SHC4: variants seen among roughly 807,000 people sequenced by gnomAD.
SHC4 encodes SHC-transforming protein 4.
SHC4 carries 41 observed loss-of-function variants against 69.4 expected under a neutral mutation model. That is an observed-to-expected ratio of 0.59 (90% CI 0.46 to 0.77). The LOEUF is 0.77. SHC4 is among the 30% of genes least tolerant of loss of function. SHC4 has a pLI of 0.00. For missense variants in SHC4, 777 were observed against 783.8 expected, an observed-to-expected ratio of 0.99 and a Z score of 0.10; for synonymous variants, 318 against 299.3, an observed-to-expected ratio of 1.06 and a Z score of -0.64.
intron 1 of SHC4, among the ~76,000 whole-genome samples, chr15:48,952,640 A>G (rs1002555181): frequency 1.3e-5 from 2 of 152,254 alleles, no homozygotes; most frequent in Non-Finnish European, 2.9e-5. Context: ...ACTTCTCGAA[A>G]GAAGACATCC....
chr15:48,891,309 G>T (rs927430160), intron 2 of SHC4, among the ~76,000 whole-genome samples: 1 of 152,174 alleles, frequency 6.6e-6, no homozygotes, highest in Non-Finnish European at 1.5e-5. Context: ...CTCAAATGGA[G>T]TTTTATTGAC....
chr15:48,851,915 G>C (rs16961726), intron 8 of SHC4, among the ~76,000 whole-genome samples: 1 of 152,252 alleles, frequency 6.6e-6, no homozygotes, highest in Admixed American at 6.5e-5. Flanking sequence ...CAGTAGAAAC[G>C]GGAAAGTTTG....
chr15:48,960,877 G>GT (rs539999263), intron 1 of SHC4, among the ~76,000 whole-genome samples: 20 of 151,422 alleles, frequency 1.3e-4, no homozygotes, highest in Non-Finnish European at 2.5e-4. Flanking sequence ...CAATTTGAAA[G>GT]TTTTTTTTTC....
intron 1 of SHC4, among the ~76,000 whole-genome samples, chr15:48,952,658 C>T (rs1034933227): frequency 6.6e-6 from 1 of 152,080 alleles, no homozygotes; most frequent in Non-Finnish European, 1.5e-5. Flanking sequence ...TCCATGTGGC[C>T]AACTATCACA....
At chr15:48,850,418 T>C (rs1201712487) in intron 9 of SHC4, among the ~76,000 whole-genome samples, 2 of 152,208 alleles carry the variant, frequency 1.3e-5, no homozygotes, top group East Asian at 3.9e-4. Flanking sequence ...AAAGTATCCT[T>C]GGAAGTGACT....
At chr15:48,878,597 C>T in intron 4 of SHC4, 1 of 1,614,084 alleles carries the variant, frequency 6.2e-7, no homozygotes, top group Non-Finnish European at 8.5e-7. Flanking sequence ...AACAAGAGAA[C>T]CAGCCCTGGA....
chr15:48,877,964 G>C (rs1475386629), intron 4 of SHC4: 3 of 523,856 alleles, frequency 5.7e-6, no homozygotes, highest in Middle Eastern at 5.2e-4. Flanking sequence ...TCGAATCGAT[G>C]GAAACGTAGC....
At chr15:48,923,635 C>CTTTTT (rs59906872) in intron 2 of SHC4, among the ~76,000 whole-genome samples, 27 of 92,494 alleles carry the variant, frequency 2.9e-4, no homozygotes, top group African/African-American at 7.3e-4. Flanking sequence ...ACTACTCAGT[C>CTTTTT]TTTTTTTTTT....
chr15:48,844,496 C>T (rs1272546151), intron 9 of SHC4, among the ~76,000 whole-genome samples: 2 of 152,114 alleles, frequency 1.3e-5, no homozygotes, highest in Non-Finnish European at 2.9e-5. Flanking sequence ...ACATGCTCTT[C>T]ACTCCTTTTC....
At chr15:48,843,663 G>T (rs553354349) in intron 9 of SHC4, 75 bp from the exon 10 acceptor site, 11 of 1,390,144 alleles carry the variant, frequency 7.9e-6, no homozygotes, top group Non-Finnish European at 9.8e-6. Flanking sequence ...TTTGAGTCTA[G>T]AATTGATAGA....
chr15:48,880,750 A>G (rs1312018492), intron 4 of SHC4, among the ~76,000 whole-genome samples: 1 of 152,112 alleles, frequency 6.6e-6, no homozygotes, highest in Non-Finnish European at 1.5e-5. Flanking sequence ...ACTTACTTGT[A>G]TTTATTGAGG....
intron 2 of SHC4, 67 bp downstream of exon 2, chr15:48,924,812 C>T: frequency 1.3e-6 from 2 of 1,532,790 alleles, no homozygotes; most frequent in Non-Finnish European, 1.8e-6. Context: ...CATAAAATTC[C>T]TGTGGGAGAA....
intron 2 of SHC4, among the ~76,000 whole-genome samples, chr15:48,923,382 C>G (rs1900785321): frequency 6.6e-6 from 1 of 151,996 alleles, no homozygotes; most frequent in East Asian, 1.9e-4. Context: ...GAAACCCCAT[C>G]TCTACTAAAA....
intron 4 of SHC4, among the ~76,000 whole-genome samples, chr15:48,875,192 G>A (rs1567058622): frequency 6.6e-6 from 1 of 151,918 alleles, no homozygotes; most frequent in Non-Finnish European, 1.5e-5. Flanking sequence ...GTAGCAAGTG[G>A]CTATCTAACA....
At chr15:48,908,264 C>A (rs1309244092) in intron 2 of SHC4, among the ~76,000 whole-genome samples, 1 of 152,104 alleles carries the variant, frequency 6.6e-6, no homozygotes, top group African/African-American at 2.4e-5. Flanking sequence ...GGTGGTATTG[C>A]ATTGTGGCTT....
chr15:48,885,714 A>G (rs1160438723), intron 3 of SHC4, among the ~76,000 whole-genome samples: 1 of 152,204 alleles, frequency 6.6e-6, no homozygotes, highest in African/African-American at 2.4e-5. Context: ...TTGAAATTTA[A>G]TGTACAGTTT....
chr15:48,921,092 T>C (rs973428790), intron 2 of SHC4, among the ~76,000 whole-genome samples: 2 of 152,152 alleles, frequency 1.3e-5, no homozygotes, highest in Non-Finnish European at 2.9e-5. Flanking sequence ...AGACAAAATG[T>C]AGTATAGACG....
chr15:48,951,507 G>C (rs75999301), intron 1 of SHC4, among the ~76,000 whole-genome samples: 5,659 of 151,816 alleles, frequency 0.037, 354 homozygotes, highest in African/African-American at 0.13. Context: ...TGGCTTTCTG[G>C]TGAAAACCCA....
At chr15:48,906,235 A>G (rs979282413) in intron 2 of SHC4, among the ~76,000 whole-genome samples, 1 of 152,218 alleles carries the variant, frequency 6.6e-6, no homozygotes, top group East Asian at 1.9e-4. Context: ...ATGTTCTACA[A>G]TTAACTCACT....
Sources: allele counts gnomAD v4.1 joint callset (sites outside exome capture counted in the v4.1 genomes callset), GRCh38; gene constraint gnomAD v4.1.1; transcripts MANE v1.5; gene names NCBI Gene and HGNC (gene_info 2026-07-23, HGNC 2026-07-21).